Variants in TMEM120B observed in about 807,000 individuals in gnomAD.
The protein encoded by TMEM120B is transmembrane protein 120B.
In TMEM120B, 31 loss-of-function variants were observed where a neutral mutation model predicts 55.5. The observed-to-expected ratio is 0.56, with a 90% confidence interval of 0.42 to 0.75. The LOEUF is 0.75. Ranked by LOEUF, TMEM120B falls within the 30% of genes least tolerant of loss-of-function variation. The pLI is 0.00. For synonymous variants in TMEM120B, 203 were observed against 176.3 expected, an observed-to-expected ratio of 1.15 and a Z score of -1.20; for missense variants, 399 against 425.5, an observed-to-expected ratio of 0.94 and a Z score of 0.55.
chr12:121,723,986 G>A (rs1055509968), intron 1 of TMEM120B, among the ~76,000 whole-genome samples: 2 of 147,576 alleles, frequency 1.4e-5, no homozygotes, highest in Non-Finnish European at 3.0e-5. Context: ...TTTTTTTTGA[G>A]ACATGGGATC....
Position 121,748,411 on chromosome 12 carries a change from G to T in TMEM120B, c.274G>T (p.Asp92Tyr), listed in dbSNP as rs28655666. 4.3e-6 allele frequency: 7 copies of T among 1,609,898 alleles called. 1 individual carries two copies. Among genetic ancestry groups the T allele is most frequent in the South Asian group, 2.2e-5 (2 of 90,962 alleles). ...CAAGGAGCGGCAGGACGTCTTCTTC[G>T]ACATGGAGGCCTACCTGCCCAAGAA... The part of the protein sequence containing the change: ...NIKERQDVFF[D>Y]MEAYLPKKNG... The change falls in exon 3 of 12, where the codon GAC (aspartate) becomes TAC (tyrosine). Residue 92 changes from aspartate to tyrosine, a missense_variant. Coordinates refer to ENST00000449592, the MANE Select transcript of TMEM120B (RefSeq NM_001080825.2).
intron 6 of TMEM120B, among the ~76,000 whole-genome samples, chr12:121,767,248 C>T (rs1032813301): frequency 1.1e-4 from 17 of 152,178 alleles, no homozygotes; most frequent in African/African-American, 3.6e-4. Flanking sequence ...GCAAGCTCCG[C>T]GTCCCGGGTT....
intron 1 of TMEM120B, among the ~76,000 whole-genome samples, chr12:121,731,916 C>T (rs1200958380): frequency 6.6e-6 from 1 of 152,204 alleles, no homozygotes; most frequent in African/African-American, 2.4e-5. Flanking sequence ...GCAGGCGGAT[C>T]ACCTGAGGTC....
At chr12:121,714,317 C>T (rs942736328) in intron 1 of TMEM120B, among the ~76,000 whole-genome samples, 2 of 152,084 alleles carry the variant, frequency 1.3e-5, no homozygotes, top group Admixed American at 6.6e-5. Flanking sequence ...AGTGCAGTGG[C>T]GTGATCTCGG....
chr12:121,731,602 C>T (rs547915145), intron 1 of TMEM120B, among the ~76,000 whole-genome samples: 2 of 151,894 alleles, frequency 1.3e-5, no homozygotes, highest in African/African-American at 4.9e-5. Context: ...GTTTGTAGCC[C>T]AGGAGCAATA....
At position 121,770,927 on chromosome 12, in the gene TMEM120B, C is replaced by G; in HGVS notation, c.572C>G (p.Ser191Cys). The change falls in exon 7 of 12, where the codon TCT becomes TGT. Residue 191 changes from serine (S) to cysteine (C), a missense_variant. Ser to Cys is a moderately radical substitution (Grantham distance 112, BLOSUM62 -1). Transcript: ENST00000449592. ...NGSRIKGWWV[S>C]HHYVSTFLSG... Reference sequence around the variant, plus strand: ...CCGAGAATTAAAGGCTGGTGGGTGTCTCACCACTACGTCTCCACATTCCTG... The same window carrying G: ...CCGAGAATTAAAGGCTGGTGGGTGTGTCACCACTACGTCTCCACATTCCTG... 6.2e-7 allele frequency: 1 copy of G among 1,614,124 alleles called. No homozygotes were observed. Among genetic ancestry groups the G allele is most frequent in the Non-Finnish European group, 8.5e-7 (1 of 1,180,014 alleles).
At chr12:121,748,755 C>T (rs1408058969) in intron 3 of TMEM120B, among the ~76,000 whole-genome samples, 6 of 152,208 alleles carry the variant, frequency 3.9e-5, no homozygotes, top group Non-Finnish European at 8.8e-5. Flanking sequence ...TTGCGTGCCT[C>T]CTGCACGCTC....
chr12:121,735,655 C>T (rs1054260197), intron 1 of TMEM120B, among the ~76,000 whole-genome samples: 1 of 151,140 alleles, frequency 6.6e-6, no homozygotes, highest in Admixed American at 6.6e-5. Context: ...CCTTGGCCTC[C>T]CAAAATGCTG....
chr12:121,742,341 C>T (rs370545562), intron 1 of TMEM120B, among the ~76,000 whole-genome samples: 10 of 152,160 alleles, frequency 6.6e-5, no homozygotes, highest in Admixed American at 2.6e-4. Flanking sequence ...GCTTGGCAGG[C>T]AGGGGAGTTT....
At chr12:121,736,524 G>T (rs1235188304) in intron 1 of TMEM120B, among the ~76,000 whole-genome samples, 1 of 150,956 alleles carries the variant, frequency 6.6e-6, no homozygotes, top group Non-Finnish European at 1.5e-5. Flanking sequence ...AAAGTGCTGG[G>T]ATTACAGGTG....
intron 1 of TMEM120B, among the ~76,000 whole-genome samples, chr12:121,719,634 G>C (rs1894759224): frequency 6.6e-6 from 1 of 152,104 alleles, no homozygotes; most frequent in South Asian, 2.1e-4. Flanking sequence ...ATTGGACACT[G>C]CTTAAATTGC....
intron 5 of TMEM120B, among the ~76,000 whole-genome samples, chr12:121,759,400 G>A (rs116287450): frequency 3.9e-5 from 6 of 152,136 alleles, no homozygotes; most frequent in African/African-American, 9.6e-5. Context: ...AAGCTTGGCC[G>A]GATGCGGTGG....
At chr12:121,714,011 CTG>C (rs1894648617) in intron 1 of TMEM120B, among the ~76,000 whole-genome samples, 1 of 152,102 alleles carries the variant, frequency 6.6e-6, no homozygotes. Flanking sequence ...AAGGGTGTCT[CTG>C]ATGGGTCTTT....
chr12:121,770,256 A>G (rs552876264), intron 6 of TMEM120B, among the ~76,000 whole-genome samples: 44 of 151,978 alleles, frequency 2.9e-4, no homozygotes, highest in African/African-American at 9.9e-4. Flanking sequence ...GTGTGTCCTC[A>G]TGTGGCCTTT....
chr12:121,769,143 C>CAAA (rs34286143), intron 6 of TMEM120B, among the ~76,000 whole-genome samples: 1 of 88,986 alleles, frequency 1.1e-5, no homozygotes. Flanking sequence ...AAGACTGTCT[C>CAAA]AAAAAAAAAA....
intron 1 of TMEM120B, among the ~76,000 whole-genome samples, chr12:121,720,929 G>T (rs1032922845): frequency 2.0e-5 from 3 of 152,076 alleles, no homozygotes; most frequent in African/African-American, 7.2e-5. Context: ...TGGATCTTCC[G>T]ACAGCCAAGA....
At position 121,761,698 on chromosome 12, in the gene TMEM120B, C is replaced by T. The variant is rs746803203; in HGVS notation, c.511C>T (p.Leu171=). ...CCTGCTGGTGTGGTATTACTGCACC[C>T]TGACCATTCGGGAGAGCATTCTCAT... ...NFLLVWYYCT[L]TIRESILISN... is the part of the protein sequence containing the mutation. The change falls in exon 6 of 12, where the codon CTG becomes TTG. Residue 171 remains leucine, a synonymous_variant. Coordinates refer to ENST00000449592, the MANE Select transcript of TMEM120B (RefSeq NM_001080825.2). 6.2e-7 allele frequency: 1 copy of T among 1,614,022 alleles called. No homozygotes were observed. The highest frequency in any genetic ancestry group is 1.7e-5 in the Admixed American group (1 of 60,000).
At chr12:121,742,379 C>T (rs142313624) in intron 1 of TMEM120B, among the ~76,000 whole-genome samples, 55 of 152,126 alleles carry the variant, frequency 3.6e-4, no homozygotes, top group African/African-American at 1.3e-3. Context: ...TTGGACCATC[C>T]CCTTTTGCTC....
Position 121,780,460 on chromosome 12 carries a change from G to A in TMEM120B, c.*4738G>A, listed in dbSNP as rs192650244. 3.5e-4 allele frequency: 106 copies of A among 305,184 alleles called. 1 individual carries two copies. Among genetic ancestry groups the A allele is most frequent in the African/African-American group, 2.0e-3 (94 of 46,686 alleles). The allele number at this position is 305,184 out of a possible 1,614,324, so 18.9% of individuals were successfully genotyped here. The stretch of plus-strand genomic sequence containing the variant: ...CCATGCCTCACCCAAAGAGTTGCAC[G>A]GTCAATTGGCCCGTGAAGGGGACGC... On this transcript the variant is annotated 3_prime_UTR_variant, in exon 12 of 12. Coordinates refer to ENST00000449592, the MANE Select transcript of TMEM120B (RefSeq NM_001080825.2).
Sources: gnomAD v4.1 joint callset for allele counts (sites outside exome capture counted in the v4.1 genomes callset) on GRCh38, gnomAD v4.1.1 for gene constraint, MANE v1.5 for transcripts, NCBI Gene and HGNC (gene_info 2026-07-23, HGNC 2026-07-21) for gene names.